LTBP1: variants seen among roughly 807,000 people sequenced by gnomAD.
LTBP1 encodes latent-transforming growth factor beta-binding protein 1.
Under a neutral mutation model 207.6 loss-of-function variants are expected in LTBP1, and 129 were observed. That is an observed-to-expected ratio of 0.62 (90% CI 0.54 to 0.72). The LOEUF (loss-of-function observed/expected upper bound fraction) is 0.72, where lower values mean the gene tolerates loss of function less well. Among genes scored for constraint, LTBP1 ranks in the 30% least tolerant of loss-of-function variants. The pLI is 0.00. For synonymous variants in LTBP1, 963 were observed against 833.7 expected (o/e 1.16, Z -2.67); for missense variants, 2,281 against 2,217.2 (o/e 1.03, Z -0.58).
In LTBP1 at chr2:32,954,849, A is replaced by T. The variant is rs76160465; in HGVS notation, c.565+5904A>T. ...CCACACAATCTGTGACTGTGGATCT[A>T]ATTTGGTTACTTTTCTACTGCAGCA... On this transcript the variant is annotated intron_variant, in intron 2 of 33. Coordinates refer to ENST00000404816, the MANE Select transcript of LTBP1 (RefSeq NM_206943.4). 5.9e-3 allele frequency among the ~76,000 whole-genome samples: 895 copies of T among 152,044 alleles called. 4 individuals are homozygous for T. Among genetic ancestry groups the T allele is most frequent in the Non-Finnish European group, 9.7e-3 (661 of 67,958 alleles).
chr2:33,203,233 T>G (rs1390267526), intron 7 of LTBP1, among the ~76,000 whole-genome samples: 1 of 152,180 alleles, frequency 6.6e-6, no homozygotes, highest in Non-Finnish European at 1.5e-5. Context: ...TCTGCCAGAT[T>G]GACTTTCGCG....
chr2:33,019,885 T>C (rs1398028270), intron 2 of LTBP1, among the ~76,000 whole-genome samples: 2 of 151,330 alleles, frequency 1.3e-5, no homozygotes. Flanking sequence ...TTTTTTTTTT[T>C]TTTTTTTTGG....
intron 2 of LTBP1, among the ~76,000 whole-genome samples, chr2:32,991,139 T>C (rs138027386): frequency 7.9e-5 from 12 of 152,348 alleles, no homozygotes; most frequent in African/African-American, 2.9e-4. Context: ...TTTTATCTCA[T>C]ATAACTTTTT....
intron 9 of LTBP1, among the ~76,000 whole-genome samples, chr2:33,231,758 G>A (rs2091803417): frequency 6.6e-6 from 1 of 152,164 alleles, no homozygotes; most frequent in Non-Finnish European, 1.5e-5. Context: ...GAGGTGAAAT[G>A]ATTGAGAATC....
At chr2:33,375,998 T>C (rs564110458) in intron 31 of LTBP1, among the ~76,000 whole-genome samples, 1 of 152,332 alleles carries the variant, frequency 6.6e-6, no homozygotes, top group East Asian at 1.9e-4. Context: ...GTTGACTGTT[T>C]ATATGTCTCA....
chr2:33,392,077 A>G (rs2095319306), intron 32 of LTBP1, among the ~76,000 whole-genome samples: 1 of 152,134 alleles, frequency 6.6e-6, no homozygotes, highest in African/African-American at 2.4e-5. Context: ...TATCGCCTTT[A>G]TGGTTCACCA....
At chr2:33,011,765 G>C (rs1573078237) in intron 2 of LTBP1, among the ~76,000 whole-genome samples, 1 of 151,572 alleles carries the variant, frequency 6.6e-6, no homozygotes, top group Non-Finnish European at 1.5e-5. Flanking sequence ...AAATCATACT[G>C]GACCTGCATA....
intron 3 of LTBP1, among the ~76,000 whole-genome samples, chr2:33,081,741 A>C (rs538617966): frequency 6.6e-6 from 1 of 151,982 alleles, no homozygotes; most frequent in Non-Finnish European, 1.5e-5. Flanking sequence ...TAGTCCCCAT[A>C]TGTCGTGGGA....
intron 3 of LTBP1, among the ~76,000 whole-genome samples, chr2:33,079,672 G>C (rs1038386903): frequency 5.3e-5 from 8 of 152,098 alleles, no homozygotes; most frequent in African/African-American, 1.7e-4. Flanking sequence ...TGGCACTGCA[G>C]ACTTCTCCCA....
intron 5 of LTBP1, among the ~76,000 whole-genome samples, chr2:33,174,888 G>A (rs1428318798): frequency 6.3e-5 from 9 of 143,928 alleles, no homozygotes; most frequent in African/African-American, 5.2e-5. Context: ...ACAAACCTGA[G>A]AAAAACAAGC....
intron 2 of LTBP1, among the ~76,000 whole-genome samples, chr2:32,959,403 T>C (rs1233759144): frequency 1.3e-5 from 2 of 151,938 alleles, no homozygotes; most frequent in African/African-American, 2.4e-5. Context: ...ATGGAAAATA[T>C]GATAATAAAG....
Position 33,186,771 on chromosome 2 carries a change from T to A in LTBP1, c.1202-85T>A, listed in dbSNP as rs1479820151. The A allele has an allele frequency of 9.0e-6, 9 of 998,500 alleles. No individual in the cohort carries two copies. In the East Asian group the frequency reaches 2.2e-4, roughly 25 times the overall value. 61.9% of individuals were successfully genotyped at this position (998,500 alleles called of 1,614,324 possible). On this transcript the variant is annotated intron_variant, in intron 5 of 33. Coordinates refer to ENST00000404816, the MANE Select transcript of LTBP1 (RefSeq NM_206943.4). ...GGACTCTGATGCCTATAATGGGCTG[T>A]ATGTTTTGCAGGTTTTGTTGGTTGA...
At chr2:32,988,922 A>G (rs1223683504) in intron 2 of LTBP1, among the ~76,000 whole-genome samples, 1 of 146,002 alleles carries the variant, frequency 6.8e-6, no homozygotes, top group Non-Finnish European at 1.5e-5. Flanking sequence ...TTTATCCTAA[A>G]TGCTTAGACC....
chr2:33,156,168 C>T (rs1030982116), intron 5 of LTBP1, among the ~76,000 whole-genome samples: 14 of 152,068 alleles, frequency 9.2e-5, no homozygotes, highest in Admixed American at 2.0e-4. Context: ...AACTAAGGCC[C>T]GAAGAGGTTA....
Position 33,021,195 on chromosome 2 carries a change from G to A in LTBP1, c.852G>A (p.Gln284=), listed in dbSNP as rs2075149298. The A allele has an allele frequency of 3.8e-6, 6 of 1,593,354 alleles. No homozygotes were observed. The South Asian group carries it at 6.8e-5, about 18-fold the overall frequency. ...AGCCTTCAGTGGGACTCCCCCAGCA[G>A]ATACATTCTCAGTGAGTGTTTCGAA... ...KPKPSVGLPQ[Q]IHSQVTPLSS... is the part of the protein sequence containing the mutation. Residue 284 remains glutamine (Q), a synonymous_variant, in exon 3 of 34, where the codon CAG becomes CAA. Coordinates refer to ENST00000404816, the MANE Select transcript of LTBP1 (RefSeq NM_206943.4).
chr2:33,277,741 A>T (rs1354604575), intron 18 of LTBP1, among the ~76,000 whole-genome samples: 4 of 123,584 alleles, frequency 3.2e-5, no homozygotes, highest in Admixed American at 3.2e-4. Flanking sequence ...CAAAGAAGTC[A>T]AATACTGATT....
chr2:33,290,968 C>T (rs1307348563), intron 19 of LTBP1, among the ~76,000 whole-genome samples: 1 of 152,196 alleles, frequency 6.6e-6, no homozygotes, highest in African/African-American at 2.4e-5. Flanking sequence ...TGTGGTTCCT[C>T]TCTGGAGACC....
At chr2:33,340,056 G>C (rs918102668) in intron 24 of LTBP1, among the ~76,000 whole-genome samples, 18 of 151,962 alleles carry the variant, frequency 1.2e-4, no homozygotes, top group Admixed American at 1.1e-3. Flanking sequence ...AGATCCAATG[G>C]AAATGATTAA....
At chr2:33,344,748 A>G (rs927215692) in intron 25 of LTBP1, among the ~76,000 whole-genome samples, 3 of 152,188 alleles carry the variant, frequency 2.0e-5, no homozygotes, top group African/African-American at 7.2e-5. Flanking sequence ...TGACCTCTAT[A>G]TGATTGAAAA....
Sources: allele counts gnomAD v4.1 joint callset (sites outside exome capture counted in the v4.1 genomes callset), GRCh38; gene constraint gnomAD v4.1.1; transcripts MANE v1.5; gene names NCBI Gene and HGNC (gene_info 2026-07-23, HGNC 2026-07-21).